The following MGAT5B variants were observed in gnomAD, a reference collection of about 807,000 sequenced individuals.
The protein encoded by MGAT5B is N-acetylglucosaminyl-transferase Vb.
Under a neutral mutation model 95.1 loss-of-function variants are expected in MGAT5B, and 54 were observed. That is an observed-to-expected ratio of 0.57 (90% confidence interval 0.46 to 0.71). The LOEUF (loss-of-function observed/expected upper bound fraction) is 0.71, where lower values mean the gene tolerates loss of function less well. MGAT5B is among the 30% of genes least tolerant of loss of function. MGAT5B has a pLI of 0.00. For missense variants in MGAT5B, 935 were observed against 1,088.6 expected, an observed-to-expected ratio of 0.86 and a Z score of 1.99; for synonymous variants, 464 against 451.0, an observed-to-expected ratio of 1.03 and a Z score of -0.36.
In MGAT5B at chr17:76,946,423, G is replaced by A. The variant is rs763818206; in HGVS notation, c.1896G>A (p.Glu632=). Residue 632 remains glutamate, a synonymous_variant, in exon 16 of 18, where the codon GAG becomes GAA. Transcript: ENST00000569840. ...AGTACACCTGCGAGGGGATGCTGGA[G>A]CGGATCCACGCCTACATCCAGCACC... ...PYEYTCEGML[E]RIHAYIQHQD... is the part of the protein sequence containing the mutation. 4.4e-6 allele frequency: 7 copies of A among 1,603,434 alleles called. No homozygotes were observed. The South Asian group carries it at 5.6e-5, about 13-fold the overall frequency.
intron 2 of MGAT5B, among the ~76,000 whole-genome samples, chr17:76,876,006 C>G (rs1187106111): frequency 6.6e-6 from 1 of 152,088 alleles, no homozygotes; most frequent in Non-Finnish European, 1.5e-5. Flanking sequence ...GCTGAGAACC[C>G]AGGAGAGCTG....
In MGAT5B at chr17:76,905,479, G is replaced by A. The variant is rs1294097638; in HGVS notation, c.855+146G>A. 12 of 781,566 alleles carry A rather than the reference G, an allele frequency of 1.5e-5. No homozygotes were observed. Among genetic ancestry groups the A allele is most frequent in the Admixed American group, 6.0e-5 (2 of 33,224 alleles). The allele number at this position is 781,566 out of a possible 1,614,324, so 48.4% of individuals were successfully genotyped here. The stretch of plus-strand genomic sequence containing the variant: ...AGAGAGGGGTAGGGATGGCAGAGTC[G>A]GGATAGATGTCTGTGGTGGTGGCCC... On this transcript the variant is annotated intron_variant, in intron 7 of 17. Transcript: ENST00000569840. The surrounding 1 kb of genome is among the most constrained non-coding windows in gnomAD (Gnocchi z 4.2).
chr17:76,933,308 C>A lies in MGAT5B; in HGVS notation c.1428+11C>A. Reference sequence around the variant, plus strand: ...ACGAGGCAGCTCCAGGTATGGAAACCGCTTGCCGCCTGCCCCCTCTACCCT... The same window carrying A: ...ACGAGGCAGCTCCAGGTATGGAAACAGCTTGCCGCCTGCCCCCTCTACCCT... On this transcript the variant is annotated intron_variant, in intron 12 of 17. Coordinates refer to ENST00000569840, the MANE Select transcript of MGAT5B (RefSeq NM_001199172.2). 6.3e-7 allele frequency: 1 copy of A among 1,598,260 alleles called. No homozygotes were observed. Among genetic ancestry groups the A allele is most frequent in the Non-Finnish European group, 8.5e-7 (1 of 1,179,730 alleles).
At chr17:76,932,024 C>T (rs1292711597) in intron 10 of MGAT5B, among the ~76,000 whole-genome samples, 1 of 151,866 alleles carries the variant, frequency 6.6e-6, no homozygotes, top group Non-Finnish European at 1.5e-5. Context: ...TCTTCTTCCT[C>T]CTCCTCCTGT....
intron 2 of MGAT5B, among the ~76,000 whole-genome samples, chr17:76,874,280 C>T (rs750981559): frequency 2.0e-5 from 3 of 152,112 alleles, no homozygotes; most frequent in Non-Finnish European, 4.4e-5. Context: ...AAACGGCGAG[C>T]ACTCCATCAA....
At chr17:76,879,393 G>C (rs537454690) in intron 2 of MGAT5B, among the ~76,000 whole-genome samples, 164 of 152,216 alleles carry the variant, frequency 1.1e-3, no homozygotes, top group Non-Finnish European at 2.0e-3. Flanking sequence ...AGTCAGGCCT[G>C]AGTGCTCTGG....
rs1157083341 is a variant in MGAT5B at position 76,938,724 on chromosome 17, G to A, written c.1584+581G>A. On this transcript the variant is annotated intron_variant, in intron 13 of 17. Transcript: ENST00000569840. The surrounding 1 kb of genome is among the most constrained non-coding windows in gnomAD (Gnocchi z 4.3). Reference sequence around the variant, plus strand: ...GACAGGGTCTTGCTCTGTCACCCACGCTGGAGTGCAGTGGTGCAATCAGGG... The same window carrying A: ...GACAGGGTCTTGCTCTGTCACCCACACTGGAGTGCAGTGGTGCAATCAGGG... 2.6e-5 allele frequency among the ~76,000 whole-genome samples: 4 copies of A among 152,066 alleles called. No individual in the cohort carries two copies. The highest frequency in any genetic ancestry group is 4.8e-5 in the African/African-American group (2 of 41,388).
At chr17:76,897,725 CTTTTTCTT>C (rs1567800368) in intron 3 of MGAT5B, among the ~76,000 whole-genome samples, 150 of 66,094 alleles carry the variant, frequency 2.3e-3, no homozygotes, top group African/African-American at 6.3e-3. Flanking sequence ...TTCTTTCTTT[CTTTTTCTT>C]TTTTTTTTTT....
intron 2 of MGAT5B, among the ~76,000 whole-genome samples, chr17:76,877,326 G>A (rs1011471884): frequency 7.5e-6 from 1 of 132,804 alleles, no homozygotes; most frequent in African/African-American, 2.9e-5. Flanking sequence ...CTCTGTCTCG[G>A]CTTAAAAAAA....
chr17:76,881,292 G>T (rs550776533), intron 2 of MGAT5B, among the ~76,000 whole-genome samples: 2 of 152,116 alleles, frequency 1.3e-5, no homozygotes, highest in Non-Finnish European at 2.9e-5. Flanking sequence ...TCTTCATAAG[G>T]TCTCCCCTCC....
intron 2 of MGAT5B, among the ~76,000 whole-genome samples, chr17:76,878,911 A>G (rs1054361315): frequency 5.9e-5 from 9 of 152,162 alleles, no homozygotes; most frequent in Admixed American, 4.6e-4. Context: ...CTCATTTTAC[A>G]TGAGGGTAAA....
chr17:76,910,744 G>T (rs542371443), intron 8 of MGAT5B, among the ~76,000 whole-genome samples: 1 of 152,336 alleles, frequency 6.6e-6, no homozygotes, highest in African/African-American at 2.4e-5. Context: ...GGGAGAGGTT[G>T]CCCCATCTCT....
chr17:76,915,310 A>G lies in MGAT5B; in HGVS notation c.1025+9123A>G, dbSNP rs1171080286. ...GGAGAGAAGGAGAAGAGACCAGGGTATACTGTAAATGCAGCGGGGTGGGGG... is the reference window on the plus strand; with the variant it reads ...GGAGAGAAGGAGAAGAGACCAGGGTGTACTGTAAATGCAGCGGGGTGGGGG... On this transcript the variant is annotated intron_variant, in intron 8 of 17. Transcript: ENST00000569840. The surrounding 1 kb of genome is among the most constrained non-coding windows in gnomAD (Gnocchi z 8.7). Among the ~76,000 whole-genome samples the G allele has an allele frequency of 6.9e-6, 1 of 145,558 alleles. No individual in the cohort carries two copies. The highest frequency in any genetic ancestry group is 1.5e-5 in the Non-Finnish European group (1 of 66,376).
At position 76,905,085 on chromosome 17, in the gene MGAT5B, G is replaced by A. The variant is rs566846974; in HGVS notation, c.691-84G>A. ...GAGCAGGCCCCAGCCTCATGGGAGGGTGCCAGCCCCTGTCCCCAGGCCAGC... is the reference window on the plus strand; with the variant it reads ...GAGCAGGCCCCAGCCTCATGGGAGGATGCCAGCCCCTGTCCCCAGGCCAGC... On this transcript the variant is annotated intron_variant, in intron 6 of 17. Coordinates refer to ENST00000569840, the MANE Select transcript of MGAT5B (RefSeq NM_001199172.2). The surrounding 1 kb of genome is among the most constrained non-coding windows in gnomAD (Gnocchi z 4.2). 28 of 1,432,940 alleles carry A rather than the reference G, an allele frequency of 2.0e-5. No homozygotes were observed. The highest frequency in any genetic ancestry group is 2.6e-5 in the Non-Finnish European group (28 of 1,064,196). The allele number at this position is 1,432,940 out of a possible 1,614,324, so 88.8% of individuals were successfully genotyped here.
intron 9 of MGAT5B, 67 bp downstream of exon 9, chr17:76,925,164 C>G: frequency 1.3e-6 from 2 of 1,594,706 alleles, no homozygotes; most frequent in South Asian, 2.2e-5. Context: ...TCCTTCACGC[C>G]CTGCCCCCAC....
chr17:76,938,118 T>A lies in MGAT5B; in HGVS notation c.1559T>A (p.Phe520Tyr). 1 of 1,614,192 alleles carries A rather than the reference T, an allele frequency of 6.2e-7. No homozygotes were observed. Among genetic ancestry groups the A allele is most frequent in the Non-Finnish European group, 8.5e-7 (1 of 1,180,030 alleles). The change falls in exon 13 of 18, where the codon TTT becomes TAT. Residue 520 changes from phenylalanine to tyrosine, a missense_variant. By Grantham distance (22) the Phe-to-Tyr change is conservative (BLOSUM62 3). This residue lies in a region of MGAT5B where 440 missense variants were observed against 523.6 expected (regional missense o/e 0.84). Transcript: ENST00000569840. The surrounding 1 kb of genome is among the most constrained non-coding windows in gnomAD (Gnocchi z 4.3). Reference protein sequence around the residue: ...KNHGLLPQPEFQQLLRKAKLF... With the variant: ...KNHGLLPQPEYQQLLRKAKLF... The stretch of plus-strand genomic sequence containing the variant: ...CACGGCCTCTTACCGCAGCCTGAGT[T>A]TCAGCAGCTGCTGCGCAAGGCCAAA...
rs1030612869 is a variant in MGAT5B at position 76,915,513 on chromosome 17, C to A, written c.1025+9326C>A. Among the ~76,000 whole-genome samples, 1 of 152,020 alleles carries A rather than the reference C, an allele frequency of 6.6e-6. No homozygotes were observed. Among genetic ancestry groups the A allele is most frequent in the East Asian group, 1.9e-4 (1 of 5,188 alleles). On this transcript the variant is annotated intron_variant, in intron 8 of 17. Transcript: ENST00000569840. This position sits in a 1 kb window ranked among gnomAD's most constrained non-coding sequence, Gnocchi z 8.7. ...CCAGGGTTTGTAATATGCTATCCCTCGAAACAAACAGGATTCGAACCAAAT... is the reference window on the plus strand; with the variant it reads ...CCAGGGTTTGTAATATGCTATCCCTAGAAACAAACAGGATTCGAACCAAAT...
chr17:76,946,578 T>C, intron 16 of MGAT5B, 128 bp downstream of exon 16: 3 of 769,726 alleles, frequency 3.9e-6, no homozygotes, highest in Non-Finnish European at 5.7e-6. Flanking sequence ...TCCTCCAGCC[T>C]GTCCAGTCTC....
chr17:76,920,708 G>A (rs1053406908), intron 8 of MGAT5B, among the ~76,000 whole-genome samples: 2 of 152,166 alleles, frequency 1.3e-5, no homozygotes, highest in African/African-American at 4.8e-5. Flanking sequence ...TCTCCGGGCC[G>A]ATTTGTCTCC....
Sources: gnomAD v4.1 joint callset for allele counts (sites outside exome capture counted in the v4.1 genomes callset) on GRCh38, gnomAD v4.1.1 for gene constraint, gnomAD v4.1.1 regional missense constraint, Gnocchi (gnomAD v3.1) non-coding constraint, MANE v1.5 for transcripts, NCBI Gene and HGNC (gene_info 2026-07-23, HGNC 2026-07-21) for gene names.